ADARB2: variants seen among roughly 807,000 people sequenced by gnomAD.
ADARB2 encodes the protein adenosine deaminase RNA specific B2 (inactive).
Under a neutral mutation model 62.2 loss-of-function variants are expected in ADARB2, and 25 were observed. The observed-to-expected ratio is 0.40, with a 90% CI of 0.29 to 0.56. The LOEUF is 0.56. Among genes scored for constraint, ADARB2 ranks in the 20% least tolerant of loss-of-function variants. The pLI is 0.43. For synonymous variants in ADARB2, 572 were observed against 500.8 expected (o/e 1.14, Z -1.90); for missense variants, 1,071 against 1,077.4 (o/e 0.99, Z 0.08).
intron 3 of ADARB2, among the ~76,000 whole-genome samples, chr10:1,348,395 G>A (rs1223843196): frequency 6.6e-6 from 1 of 152,154 alleles, no homozygotes; most frequent in Non-Finnish European, 1.5e-5. Context: ...TGCTGCTGCT[G>A]CCACTCCTGG....
At chr10:1,354,075 G>A (rs1832170792) in intron 3 of ADARB2, among the ~76,000 whole-genome samples, 1 of 151,870 alleles carries the variant, frequency 6.6e-6, no homozygotes, top group African/African-American at 2.4e-5. Flanking sequence ...CCCACTCTAG[G>A]TTTCCACGCC....
chr10:1,358,386 G>T (rs1040383963), intron 3 of ADARB2, among the ~76,000 whole-genome samples: 2 of 152,166 alleles, frequency 1.3e-5, no homozygotes. Flanking sequence ...CATCCCAGGA[G>T]GAAAAGGCCC....
At chr10:1,668,483 G>A (rs7073160) in intron 1 of ADARB2, among the ~76,000 whole-genome samples, 35,726 of 152,100 alleles carry the variant, frequency 0.23, 4,566 homozygotes, top group Middle Eastern at 0.31. Flanking sequence ...GCTTGGATTC[G>A]TGTGTGGTTT....
chr10:1,492,958 C>T (rs1008860873), intron 1 of ADARB2, among the ~76,000 whole-genome samples: 3 of 152,126 alleles, frequency 2.0e-5, no homozygotes, highest in Admixed American at 1.3e-4. Flanking sequence ...ACGCACTTGC[C>T]GAGCAAGGCC....
At chr10:1,595,545 G>A (rs1833322178) in intron 1 of ADARB2, among the ~76,000 whole-genome samples, 1 of 152,250 alleles carries the variant, frequency 6.6e-6, no homozygotes, top group East Asian at 1.9e-4. Context: ...CAGGGTCAGA[G>A]GCTGAGGGCC....
At chr10:1,696,682 G>A (rs1380243465) in intron 1 of ADARB2, among the ~76,000 whole-genome samples, 1 of 152,292 alleles carries the variant, frequency 6.6e-6, no homozygotes, top group Non-Finnish European at 1.5e-5. Context: ...TGCTTCTCAG[G>A]CCTGCCCAGG....
intron 1 of ADARB2, among the ~76,000 whole-genome samples, chr10:1,619,299 A>G (rs931158390): frequency 2.7e-5 from 4 of 147,054 alleles, no homozygotes; most frequent in South Asian, 2.2e-4. Context: ...TAAAAAAAAA[A>G]AAAAAAAAAG....
In ADARB2 at chr10:1,572,564, A is replaced by G. The variant is rs117368333; in HGVS notation, c.100+164487T>C. 3.0e-4 allele frequency among the ~76,000 whole-genome samples: 45 copies of G among 152,324 alleles called. No individual in the cohort carries two copies. In the East Asian group the frequency reaches 8.7e-3, roughly 29 times the overall value. ...TGCCCAAGTCTTGTCATTCTCACTT[A>G]TAAAATGGAAGGACCACCTCTGCGC... is the stretch of plus-strand genomic sequence containing the variant. On this transcript the variant is annotated intron_variant, in intron 1 of 9. Transcript: ENST00000381312.
Position 1,183,373 on chromosome 10 carries a change from C to T in ADARB2, c.2044-4G>A, listed in dbSNP as rs373442908. 77 of 1,606,754 alleles carry T rather than the reference C, an allele frequency of 4.8e-5. No individual in the cohort carries two copies. In the Middle Eastern group the frequency reaches 5.0e-4, roughly 10 times the overall value. On this transcript the variant is annotated splice_region_variant and splice_polypyrimidine_tract_variant and intron_variant, in intron 9 of 9. Transcript: ENST00000381312. ...GGCTGGGTGTCCGTGTGCTCAGCTG[C>T]GGACAAGAAGGAGAAAGAGCCAATC...
intron 1 of ADARB2, among the ~76,000 whole-genome samples, chr10:1,642,806 A>G (rs1355207956): frequency 6.6e-6 from 1 of 152,110 alleles, no homozygotes; most frequent in Admixed American, 6.6e-5. Flanking sequence ...CAGTATTCAG[A>G]CACACATCCA....
intron 3 of ADARB2, among the ~76,000 whole-genome samples, chr10:1,317,163 T>G (rs1831747173): frequency 6.6e-6 from 1 of 152,240 alleles, no homozygotes; most frequent in Non-Finnish European, 1.5e-5. Flanking sequence ...TTTAGCCGAT[T>G]TTTATGTTTT....
intron 3 of ADARB2, among the ~76,000 whole-genome samples, chr10:1,352,187 C>T (rs59224206): frequency 0.073 from 10,998 of 151,542 alleles, 728 homozygotes; most frequent in African/African-American, 0.17. Flanking sequence ...TAAAAACACA[C>T]GTGCTCTCCC....
chr10:1,365,697 C>T (rs980076810), intron 2 of ADARB2, among the ~76,000 whole-genome samples: 1 of 152,202 alleles, frequency 6.6e-6, no homozygotes, highest in South Asian at 2.1e-4. Context: ...CTTTGGAAAG[C>T]ATTTTGGGAG....
chr10:1,461,523 T>G (rs1831174330), intron 1 of ADARB2, among the ~76,000 whole-genome samples: 1 of 152,192 alleles, frequency 6.6e-6, no homozygotes, highest in Non-Finnish European at 1.5e-5. Context: ...TATTTTTTTT[T>G]TTAAAGAAAT....
intron 1 of ADARB2, among the ~76,000 whole-genome samples, chr10:1,454,628 CACACCCACAGAG>C (rs1309548467): frequency 6.6e-6 from 1 of 152,104 alleles, no homozygotes; most frequent in Non-Finnish European, 1.5e-5. Context: ...CTAGAGTCCT[CACACCCACAGAG>C]ACAGGAAGCA....
At chr10:1,641,569 A>C (rs1036103899) in intron 1 of ADARB2, among the ~76,000 whole-genome samples, 2 of 152,256 alleles carry the variant, frequency 1.3e-5, no homozygotes, top group African/African-American at 4.8e-5. Context: ...TTAAGGTCTT[A>C]GGGAGCACCT....
chr10:1,561,135 T>C (rs182051399), intron 1 of ADARB2, among the ~76,000 whole-genome samples: 69 of 152,364 alleles, frequency 4.5e-4, no homozygotes, highest in African/African-American at 1.6e-3. Flanking sequence ...AACATGATTA[T>C]ATCAACTTGT....
chr10:1,571,297 T>TTTA (rs1218065293), intron 1 of ADARB2, among the ~76,000 whole-genome samples: 162 of 151,220 alleles, frequency 1.1e-3, no homozygotes, highest in African/African-American at 3.8e-3. Context: ...TTTTTTTTTT[T>TTTA]AAAAAAAGCC....
intron 8 of ADARB2, among the ~76,000 whole-genome samples, chr10:1,188,975 G>C (rs917498215): frequency 6.6e-6 from 1 of 152,096 alleles, no homozygotes; most frequent in African/African-American, 2.4e-5. Flanking sequence ...CAGCCCTCCC[G>C]CACCAGGTGC....
Sources: gnomAD v4.1 joint callset for allele counts (sites outside exome capture counted in the v4.1 genomes callset) on GRCh38, gnomAD v4.1.1 for gene constraint, MANE v1.5 for transcripts, NCBI Gene and HGNC (gene_info 2026-07-23, HGNC 2026-07-21) for gene names.